The following USP50 variants were observed in gnomAD, a reference collection of about 807,000 sequenced individuals.
USP50 encodes ubiquitin carboxyl-terminal hydrolase 50.
In USP50, 37 loss-of-function variants were observed where a neutral mutation model predicts 39.2. That is an observed-to-expected ratio of 0.94 (90% CI 0.73 to 1.24). The LOEUF (loss-of-function observed/expected upper bound fraction) is 1.24. Ranked by LOEUF, USP50 falls within the 50% of genes most tolerant of loss-of-function variation. The probability of loss-of-function intolerance (pLI) is 0.00; values close to 1 mark genes in which losing one functional copy is unlikely to be tolerated. For missense variants in USP50, 374 were observed against 398.2 expected (o/e 0.94, Z 0.52); for synonymous variants, 139 against 144.5 (o/e 0.96, Z 0.27).
At chr15:50,531,483 G>T (rs1002741819) in intron 5 of USP50, among the ~76,000 whole-genome samples, 1 of 152,068 alleles carries the variant, frequency 6.6e-6, no homozygotes, top group African/African-American at 2.4e-5. Context: ...GCACGTTCTG[G>T]AAAACAAAAT....
At chr15:50,534,211 T>G (rs1033849113) in intron 5 of USP50, among the ~76,000 whole-genome samples, 3 of 152,190 alleles carry the variant, frequency 2.0e-5, no homozygotes, top group African/African-American at 7.2e-5. Flanking sequence ...ATATATATTC[T>G]TGTGTATCTT....
intron 6 of USP50, chr15:50,502,603 C>T (rs2052606914): frequency 6.6e-6 from 1 of 152,238 alleles, no homozygotes; most frequent in Non-Finnish European, 1.5e-5. Flanking sequence ...CTCCTGACCT[C>T]AAGTGATCCA....
chr15:50,527,436 T>C (rs1422514159), intron 6 of USP50, among the ~76,000 whole-genome samples: 1 of 151,966 alleles, frequency 6.6e-6, no homozygotes, highest in Non-Finnish European at 1.5e-5. Context: ...CTCAATCTCC[T>C]GACCTCATGA....
intron 4 of USP50, 104 bp from the exon 5 acceptor site, chr15:50,538,955 G>T (rs2053006406): frequency 1.6e-6 from 2 of 1,266,768 alleles, no homozygotes; most frequent in African/African-American, 3.0e-5. Flanking sequence ...GTAGTTCTCA[G>T]TGCTTTTCTC....
chr15:50,499,165 G>GT, downstream of USP50: 1 of 1,424,304 alleles, frequency 7.0e-7, no homozygotes, highest in Non-Finnish European at 9.4e-7. Flanking sequence ...CAGGATAATG[G>GT]TAGCTATAGC....
At chr15:50,525,910 A>G (rs1034696503) in intron 6 of USP50, among the ~76,000 whole-genome samples, 1 of 152,014 alleles carries the variant, frequency 6.6e-6, no homozygotes, top group African/African-American at 2.4e-5. Context: ...ATGATACTAC[A>G]TTTAGAGAAC....
chr15:50,522,717 A>G (rs1000821011), intron 6 of USP50, among the ~76,000 whole-genome samples: 7 of 151,764 alleles, frequency 4.6e-5, no homozygotes, highest in Non-Finnish European at 8.8e-5. Flanking sequence ...CTGGAATACA[A>G]TGGTGCAGAC....
chr15:50,531,710 AG>A (rs2052941960), intron 5 of USP50, among the ~76,000 whole-genome samples: 1 of 152,176 alleles, frequency 6.6e-6, no homozygotes, highest in Admixed American at 6.5e-5. Context: ...GGGCCCCAGG[AG>A]CTGACTTGAA....
chr15:50,515,705 A>G (rs1454527409), intron 6 of USP50, among the ~76,000 whole-genome samples: 1 of 151,738 alleles, frequency 6.6e-6, no homozygotes, highest in East Asian at 1.9e-4. Context: ...AAAATTAAAG[A>G]ATAAATCAGT....
In USP50 at chr15:50,535,868, G is replaced by GA. The variant is rs1016431077; in HGVS notation, c.803+2840dup. 2.0e-3 allele frequency among the ~76,000 whole-genome samples: 299 copies of GA among 151,666 alleles called. 3 individuals are homozygous for GA. Among genetic ancestry groups the GA allele is most frequent in the African/African-American group, 6.6e-3 (273 of 41,370 alleles). ...AATCTATCACATAATTAGGTTAAAG[G>GA]AAAAAAAATCACACACACAATCAAA... On this transcript the variant is annotated intron_variant, in intron 5 of 6. Transcript: ENST00000532404.
chr15:50,538,759 C>G lies in USP50; in HGVS notation c.753G>C (p.Val251=), dbSNP rs1566911323. The G allele has an allele frequency of 6.2e-7, 1 of 1,613,240 alleles. No individual in the cohort carries two copies. Among genetic ancestry groups the G allele is most frequent in the Non-Finnish European group, 8.5e-7 (1 of 1,179,646 alleles). The change falls in exon 5 of 7, where the codon GTG becomes GTC. Residue 251 remains valine (V), a synonymous_variant. Transcript: ENST00000532404. The part of the protein sequence containing the change: ...SFCETKQETA[V]RASISKAPKI... The stretch of plus-strand genomic sequence containing the variant: ...TTGGTGCTTTGGAAATACTGGCCCT[C>G]ACAGCAGTTTCTTGCTTGGTTTCAC...
At chr15:50,521,603 TG>T (rs1376273370) in intron 6 of USP50, among the ~76,000 whole-genome samples, 4 of 152,096 alleles carry the variant, frequency 2.6e-5, no homozygotes, top group Non-Finnish European at 5.9e-5. Flanking sequence ...AACTAAGAGT[TG>T]TTTTTTTAAA....
At chr15:50,494,085 G>A (rs1354527611) in exon 2 of USP50, 1 of 1,607,432 alleles carries the variant, frequency 6.2e-7, no homozygotes, top group African/African-American at 1.3e-5. Context: ...ATTTGTTGGG[G>A]CATAAAGGTG....
chr15:50,544,233 G>A (rs980744257), intron 2 of USP50, among the ~76,000 whole-genome samples: 3 of 151,824 alleles, frequency 2.0e-5, no homozygotes, highest in Non-Finnish European at 4.4e-5. Flanking sequence ...ATGGTGGCGC[G>A]TGCCTGTAAT....
intron 4 of USP50, among the ~76,000 whole-genome samples, chr15:50,539,141 G>A (rs143312185): frequency 0.022 from 3,027 of 140,026 alleles, 105 homozygotes; most frequent in African/African-American, 0.076. Context: ...ATGGAGTCTC[G>A]CTCTGTCACA....
At chr15:50,527,444 T>C (rs187820104) in intron 6 of USP50, among the ~76,000 whole-genome samples, 2 of 151,786 alleles carry the variant, frequency 1.3e-5, no homozygotes. Flanking sequence ...CCTGACCTCA[T>C]GATCTGCCCA....
At chr15:50,520,305 C>CTTT (rs556404133) in intron 6 of USP50, among the ~76,000 whole-genome samples, 3,649 of 144,756 alleles carry the variant, frequency 0.025, 178 homozygotes, top group African/African-American at 0.085. Context: ...GAGAGAGACC[C>CTTT]TTTTTTTTTT....
chr15:50,501,760 G>A (rs1340295928), intron 6 of USP50: 2 of 152,156 alleles, frequency 1.3e-5, no homozygotes, highest in Admixed American at 1.3e-4. Flanking sequence ...ATAAGGGTCA[G>A]CAAACCACGG....
intron 6 of USP50, among the ~76,000 whole-genome samples, chr15:50,519,578 G>A (rs970492963): frequency 1.8e-4 from 28 of 152,050 alleles, no homozygotes; most frequent in African/African-American, 6.3e-4. Flanking sequence ...AGGCGGGTGC[G>A]GTGGCGGGCA....
Sources: gnomAD v4.1 joint callset for allele counts (sites outside exome capture counted in the v4.1 genomes callset) on GRCh38, gnomAD v4.1.1 for gene constraint, MANE v1.5 for transcripts, NCBI Gene and HGNC (gene_info 2026-07-23, HGNC 2026-07-21) for gene names.